C9orf72: variants seen among roughly 807,000 people sequenced by gnomAD.
The protein encoded by C9orf72 is C9orf72-SMCR8 complex subunit.
A neutral mutation model predicts 51.6 loss-of-function variants in C9orf72; 44 were observed. The ratio of observed to expected loss-of-function variants is 0.85; its 90% CI spans 0.67 to 1.10. The LOEUF (loss-of-function observed/expected upper bound fraction) is 1.10. Ranked by LOEUF, C9orf72 falls within the 50% of genes least tolerant of loss-of-function variation. The pLI is 0.00. For synonymous variants in C9orf72, 213 were observed against 194.2 expected, an observed-to-expected ratio of 1.10 and a Z score of -0.81; for missense variants, 607 against 570.6, an observed-to-expected ratio of 1.06 and a Z score of -0.65.
intron 1 of C9orf72, among the ~76,000 whole-genome samples, chr9:27,568,292 C>T (rs1482127982): frequency 6.6e-6 from 1 of 152,004 alleles, no homozygotes; most frequent in South Asian, 2.1e-4. Flanking sequence ...AGCATTTCAT[C>T]ACTGCAAAGA....
rs1267687138 is a variant in C9orf72 at position 27,566,998 on chromosome 9, T to C, written c.123A>G (p.Val41=). The part of the protein sequence containing the change: ...AYWDNILGPR[V]RHIWAPKTEQ... The stretch of plus-strand genomic sequence containing the variant: ...CTGTCTTTGGAGCCCAAATGTGCCT[T>C]ACTCTAGGACCAAGAATATTGTCCC... The change falls in exon 2 of 11, where the codon GTA becomes GTG. Residue 41 remains valine (V), a synonymous_variant. Coordinates refer to ENST00000380003, the MANE Select transcript of C9orf72 (RefSeq NM_018325.5). 3.1e-6 allele frequency: 5 copies of C among 1,614,002 alleles called. No homozygotes were observed. Among genetic ancestry groups the C allele is most frequent in the African/African-American group, 1.3e-5 (1 of 74,936 alleles).
chr9:27,561,754 C>A, intron 4 of C9orf72, 105 bp from the exon 5 acceptor site: 1 of 648,054 alleles, frequency 1.5e-6, no homozygotes, highest in Non-Finnish European at 2.6e-6. Flanking sequence ...ATATAACACA[C>A]TGCCTTCATT....
chr9:27,573,208 G>GCGCCGCCGCCGCCGGCGC (rs1554662296), intron 1 of C9orf72, among the ~76,000 whole-genome samples: 2 of 151,798 alleles, frequency 1.3e-5, no homozygotes, highest in African/African-American at 4.8e-5. Context: ...CCTTGTCCCT[G>GCGCCGCCGCCGCCGGCGC]CGCCGCCGCC....
intron 1 of C9orf72, among the ~76,000 whole-genome samples, chr9:27,570,743 T>C (rs192936519): frequency 6.6e-6 from 1 of 152,196 alleles, no homozygotes; most frequent in East Asian, 1.9e-4. Context: ...GGTGGACACC[T>C]GTAATCCCAG....
chr9:27,561,693 T>A (rs745326143), intron 4 of C9orf72, 44 bp from the exon 5 acceptor site: 13 of 1,260,414 alleles, frequency 1.0e-5, no homozygotes, highest in African/African-American at 1.5e-5. Flanking sequence ...GGCTGTAACA[T>A]AGTGTTGAAA....
In C9orf72 at chr9:27,566,975, G is replaced by C. The variant is rs201250307; in HGVS notation, c.146C>G (p.Thr49Arg). Residue 49 changes from threonine (T) to arginine (R), a missense_variant, in exon 2 of 11, where the codon ACA (threonine) becomes AGA (arginine). Thr to Arg is a moderately conservative substitution (Grantham distance 71). Coordinates refer to ENST00000380003, the MANE Select transcript of C9orf72 (RefSeq NM_018325.5). ...TCCATCACTGAGAAGTACCTGTTCT[G>C]TCTTTGGAGCCCAAATGTGCCTTAC... ...PRVRHIWAPK[T>R]EQVLLSDGEI... is the part of the protein sequence containing the mutation. The C allele has an allele frequency of 3.8e-4, 610 of 1,614,100 alleles. No homozygotes were observed. Among genetic ancestry groups the C allele is most frequent in the Middle Eastern group, 4.9e-4 (3 of 6,062 alleles).
rs779339076 is a variant in C9orf72 at position 27,548,591 on chromosome 9, C to T, written c.1225G>A (p.Ala409Thr). Residue 409 changes from alanine (A) to threonine (T), a missense_variant, in exon 10 of 11, where the codon GCC becomes ACC. Physicochemically the swap from Ala to Thr is moderately conservative, Grantham distance 58. Coordinates refer to ENST00000380003, the MANE Select transcript of C9orf72 (RefSeq NM_018325.5). ...TCTATATATTTTATTAGTGTCAAGGCTTTTCTGTGAAGGACAAGTAGAAAC... is the reference window on the plus strand; with the variant it reads ...TCTATATATTTTATTAGTGTCAAGGTTTTTCTGTGAAGGACAAGTAGAAAC... Reference protein sequence around the residue: ...AQFLLVLHRKALTLIKYIEDD... With the variant: ...AQFLLVLHRKTLTLIKYIEDD... 2.2e-5 allele frequency: 36 copies of T among 1,610,698 alleles called. No individual in the cohort carries two copies. The South Asian group carries it at 3.8e-4, about 17-fold the overall frequency.
rs181649150 is a variant in C9orf72 at position 27,556,056 on chromosome 9, A to T, written c.1091+505T>A. On this transcript the variant is annotated intron_variant, in intron 8 of 10. Coordinates refer to ENST00000380003, the MANE Select transcript of C9orf72 (RefSeq NM_018325.5). ...ATTTACTGTTCAGGCTTTTTTTTTT[A>T]AAAAAAAATAAGAAGTGAATAACAA... Among the ~76,000 whole-genome samples the T allele has an allele frequency of 1.0e-3, 151 of 149,112 alleles. 2 individuals are homozygous for T. Among genetic ancestry groups the T allele is most frequent in the African/African-American group, 2.9e-3 (116 of 39,922 alleles).
At chr9:27,548,488 ATGTACAAAGGAAAC>A in intron 10 of C9orf72, 55 bp downstream of exon 10, 1 of 1,305,358 alleles carries the variant, frequency 7.7e-7, no homozygotes, top group Non-Finnish European at 1.1e-6. Flanking sequence ...GATATAGAAA[ATGTACAAAGGAAAC>A]AAAACAAAAA....
chr9:27,561,489 A>G, intron 5 of C9orf72, 96 bp downstream of exon 5: 1 of 1,549,812 alleles, frequency 6.5e-7, no homozygotes, highest in South Asian at 1.2e-5. Context: ...CAATCTAAGT[A>G]GACAGTCTGT....
At chr9:27,571,943 A>C (rs999260407) in intron 1 of C9orf72, among the ~76,000 whole-genome samples, 7 of 152,224 alleles carry the variant, frequency 4.6e-5, no homozygotes, top group African/African-American at 1.2e-4. Flanking sequence ...GGTGAAGTTC[A>C]TATCACTATC....
intron 8 of C9orf72, chr9:27,554,773 A>C (rs1820976149): frequency 5.1e-6 from 2 of 394,224 alleles, no homozygotes; most frequent in African/African-American, 4.1e-5. Context: ...ACTCTGTGAC[A>C]ATAGACTTAA....
chr9:27,557,723 T>C (rs1443722008), intron 7 of C9orf72, among the ~76,000 whole-genome samples: 1 of 152,140 alleles, frequency 6.6e-6, no homozygotes, highest in Non-Finnish European at 1.5e-5. Flanking sequence ...AACTAGTTTC[T>C]ATATTTAAAT....
At chr9:27,554,377 T>G (rs1820968109) in intron 8 of C9orf72, among the ~76,000 whole-genome samples, 1 of 152,104 alleles carries the variant, frequency 6.6e-6, no homozygotes, top group Non-Finnish European at 1.5e-5. Context: ...CTAAGTGAAC[T>G]AATCCAGGAA....
intron 3 of C9orf72, among the ~76,000 whole-genome samples, chr9:27,563,030 TA>T (rs954053835): frequency 5.9e-4 from 16 of 27,044 alleles, no homozygotes; most frequent in Middle Eastern, 0.029. Context: ...AAATTTGAGA[TA>T]AAAAAAATTT....
At position 27,546,752 on chromosome 9, in the gene C9orf72, T is replaced by C. The variant is rs1314047422; in HGVS notation, c.*1484A>G. On this transcript the variant is annotated 3_prime_UTR_variant, in exon 11 of 11. Transcript: ENST00000380003. ...CAGTATGGGACACTACAAGGTAGTA[T>C]TTATATATTTTTTAAATGACTGAGC... The C allele has an allele frequency of 6.6e-6, 1 of 152,140 alleles. No homozygotes were observed. The highest frequency in any genetic ancestry group is 1.5e-5 in the Non-Finnish European group (1 of 68,006). 9.4% of individuals were successfully genotyped at this position (152,140 alleles called of 1,614,324 possible). A position where few individuals can be genotyped will look rare whatever the true frequency, so the allele number is the denominator to read the frequency against.
intron 8 of C9orf72, chr9:27,554,729 T>G (rs1291212130): frequency 2.5e-6 from 1 of 396,620 alleles, no homozygotes; most frequent in Non-Finnish European, 4.4e-6. Context: ...CAAACATAAT[T>G]AACATGTAAA....
At chr9:27,568,952 A>G (rs111653040) in intron 1 of C9orf72, among the ~76,000 whole-genome samples, 1,694 of 152,008 alleles carry the variant, frequency 0.011, 21 homozygotes, top group South Asian at 0.032. Context: ...GCCCCTAAAA[A>G]CCTTCCAGTG....
At chr9:27,571,842 T>G (rs1049096743) in intron 1 of C9orf72, among the ~76,000 whole-genome samples, 2 of 152,222 alleles carry the variant, frequency 1.3e-5, no homozygotes, top group African/African-American at 2.4e-5. Flanking sequence ...CAACAGGAGC[T>G]GCCCAGGACC....
Sources: allele counts gnomAD v4.1 joint callset (sites outside exome capture counted in the v4.1 genomes callset), GRCh38; gene constraint gnomAD v4.1.1; transcripts MANE v1.5; gene names NCBI Gene and HGNC (gene_info 2026-07-23, HGNC 2026-07-21).